The following LRP12 variants were observed in gnomAD, a reference collection of about 807,000 sequenced individuals.
LRP12 encodes the protein low-density lipoprotein receptor-related protein 12.
In LRP12, 14 loss-of-function variants were observed where a neutral mutation model predicts 66.0. The observed-to-expected ratio is 0.21, with a 90% confidence interval of 0.14 to 0.33. The LOEUF is 0.33. Ranked by LOEUF, LRP12 falls within the 10% of genes least tolerant of loss-of-function variation. The probability of loss-of-function intolerance (pLI) is 1.00; values close to 1 mark genes in which losing one functional copy is unlikely to be tolerated. For missense variants in LRP12, 889 were observed against 1,053.4 expected (o/e 0.84, Z 2.16); for synonymous variants, 357 against 359.1 (o/e 0.99, Z 0.07).
chr8:104,529,966 T>G (rs1481751143), intron 2 of LRP12, among the ~76,000 whole-genome samples: 1 of 152,192 alleles, frequency 6.6e-6, no homozygotes, highest in Non-Finnish European at 1.5e-5. Context: ...AAACATGATG[T>G]TGCAAAAGAC....
intron 1 of LRP12, among the ~76,000 whole-genome samples, chr8:104,553,770 T>C (rs1380120851): frequency 6.6e-6 from 1 of 152,156 alleles, no homozygotes; most frequent in Non-Finnish European, 1.5e-5. Context: ...CTCCTTACAC[T>C]ACCACAGCTG....
chr8:104,528,367 C>G (rs996282510), intron 2 of LRP12, among the ~76,000 whole-genome samples: 7 of 152,136 alleles, frequency 4.6e-5, no homozygotes, highest in African/African-American at 1.7e-4. Context: ...CAAAGGCTAC[C>G]TCTCTATTTA....
At chr8:104,543,945 C>A (rs573980066) in intron 1 of LRP12, among the ~76,000 whole-genome samples, 12 of 152,088 alleles carry the variant, frequency 7.9e-5, no homozygotes, top group African/African-American at 2.2e-4. Context: ...ACAACAACAA[C>A]AAAAATGAAG....
chr8:104,566,394 G>A (rs951442881), intron 1 of LRP12: 7 of 260,460 alleles, frequency 2.7e-5, no homozygotes, highest in Non-Finnish European at 5.3e-5. Context: ...AGCCTTAGGG[G>A]AAGAGCCTCC....
In LRP12 at chr8:104,519,087, C is replaced by A. The variant is rs370154266; in HGVS notation, c.137-10013G>T. 3.8e-4 allele frequency among the ~76,000 whole-genome samples: 58 copies of A among 152,150 alleles called. No individual in the cohort carries two copies. In the East Asian group the frequency reaches 9.9e-3, roughly 26 times the overall value. ...TGTAACCTGAACAGGAAACACACGC[C>A]CACAGCTAGGCAGAAATTACTTTGA... On this transcript the variant is annotated intron_variant, in intron 2 of 6. Coordinates refer to ENST00000276654, the MANE Select transcript of LRP12 (RefSeq NM_013437.5).
At chr8:104,534,251 T>A (rs564577312) in intron 1 of LRP12, among the ~76,000 whole-genome samples, 5 of 152,074 alleles carry the variant, frequency 3.3e-5, no homozygotes, top group Non-Finnish European at 5.9e-5. Flanking sequence ...TTTAAAATTA[T>A]GTATGTATAG....
Position 104,491,325 on chromosome 8 carries a change from G to C in LRP12, c.1928C>G (p.Thr643Ser), listed in dbSNP as rs372642893. 2.5e-5 allele frequency: 40 copies of C among 1,614,030 alleles called. No homozygotes were observed. The African/African-American group carries it at 4.1e-4, about 17-fold the overall frequency. The change falls in exon 7 of 7, where the codon ACT (threonine) becomes AGT (serine). Residue 643 changes from threonine (T) to serine (S), a missense_variant. Coordinates refer to ENST00000276654, the MANE Select transcript of LRP12 (RefSeq NM_013437.5). ...STSREPERNH[T>S]HRSLFSVESD... ...CTCCACGGAAAACAAACTTCTGTGA[G>C]TATGATTTCTCTCAGGTTCTCTACT...
chr8:104,495,219 T>G lies in LRP12; in HGVS notation c.1581-10A>C. ...CTGTGTTTCAAATGATCTTTGAGAG[T>G]AGATGGAAAGAAAAATGATTAAAAG... On this transcript the variant is annotated splice_polypyrimidine_tract_variant and intron_variant, in intron 5 of 6. Coordinates refer to ENST00000276654, the MANE Select transcript of LRP12 (RefSeq NM_013437.5). 6.2e-7 allele frequency: 1 copy of G among 1,602,990 alleles called. No homozygotes were observed.
intron 1 of LRP12, among the ~76,000 whole-genome samples, chr8:104,576,240 G>A (rs1429776685): frequency 6.6e-6 from 1 of 152,146 alleles, no homozygotes; most frequent in Non-Finnish European, 1.5e-5. Context: ...AGCTAGAGAA[G>A]CCAACGTTCA....
intron 1 of LRP12, among the ~76,000 whole-genome samples, chr8:104,542,294 G>A (rs143490055): frequency 6.6e-6 from 1 of 152,174 alleles, no homozygotes; most frequent in East Asian, 1.9e-4. Flanking sequence ...GCTATTCTTT[G>A]GAGAAACGTC....
At chr8:104,494,649 C>T (rs1286761343) in intron 6 of LRP12, among the ~76,000 whole-genome samples, 1 of 152,018 alleles carries the variant, frequency 6.6e-6, no homozygotes, top group Non-Finnish European at 1.5e-5. Flanking sequence ...ACTGTAAAAT[C>T]CAGCTTGAAG....
Position 104,511,999 on chromosome 8 carries a change from C to T in LRP12, c.137-2925G>A, listed in dbSNP as rs565641523. Among the ~76,000 whole-genome samples the T allele has an allele frequency of 2.8e-4, 42 of 152,020 alleles. 1 individual carries two copies. The South Asian group carries it at 8.3e-3, about 30-fold the overall frequency. On this transcript the variant is annotated intron_variant, in intron 2 of 6. Coordinates refer to ENST00000276654, the MANE Select transcript of LRP12 (RefSeq NM_013437.5). The stretch of plus-strand genomic sequence containing the variant: ...GTTTTAGAAAAAGACTATATGTATC[C>T]AAATGTAATTCTTTAAGAGTTTATT...
chr8:104,584,593 A>T (rs1346218122), intron 1 of LRP12, among the ~76,000 whole-genome samples: 1 of 152,144 alleles, frequency 6.6e-6, no homozygotes, highest in Non-Finnish European at 1.5e-5. Flanking sequence ...TTTACCATAC[A>T]TCATTCAAAT....
At chr8:104,572,614 A>G (rs966659984) in intron 1 of LRP12, among the ~76,000 whole-genome samples, 8 of 152,118 alleles carry the variant, frequency 5.3e-5, no homozygotes, top group Non-Finnish European at 1.0e-4. Flanking sequence ...ACAGATGGGT[A>G]TTAGGAATGA....
intron 2 of LRP12, among the ~76,000 whole-genome samples, chr8:104,513,202 C>G (rs1253825021): frequency 6.6e-6 from 1 of 152,122 alleles, no homozygotes; most frequent in East Asian, 1.9e-4. Context: ...ATTTTTAACT[C>G]CCTTTTGGGT....
At chr8:104,542,994 A>AATATAAATAT (rs544043214) in intron 1 of LRP12, among the ~76,000 whole-genome samples, 16 of 144,130 alleles carry the variant, frequency 1.1e-4, no homozygotes, top group African/African-American at 4.2e-4. Context: ...AACACACACA[A>AATATAAATAT]ATATATATAT....
intron 3 of LRP12, among the ~76,000 whole-genome samples, chr8:104,502,460 T>C (rs1315360427): frequency 6.6e-6 from 1 of 152,214 alleles, no homozygotes; most frequent in East Asian, 1.9e-4. Context: ...CTTGTGGTTC[T>C]CTCCTTTCCA....
chr8:104,567,397 C>T (rs150432295), intron 1 of LRP12, among the ~76,000 whole-genome samples: 9 of 152,150 alleles, frequency 5.9e-5, no homozygotes, highest in South Asian at 2.1e-4. Flanking sequence ...CTCACTATCA[C>T]GAGAATAGCA....
intron 1 of LRP12, among the ~76,000 whole-genome samples, chr8:104,576,275 A>G (rs1356779123): frequency 6.6e-6 from 1 of 152,212 alleles, no homozygotes; most frequent in African/African-American, 2.4e-5. Flanking sequence ...AGAGAACTCA[A>G]GTAAGACATT....
Sources: allele counts gnomAD v4.1 joint callset (sites outside exome capture counted in the v4.1 genomes callset), GRCh38; gene constraint gnomAD v4.1.1; transcripts MANE v1.5; gene names NCBI Gene and HGNC (gene_info 2026-07-23, HGNC 2026-07-21).